IL4R: variants seen among roughly 807,000 people sequenced by gnomAD.
The protein encoded by IL4R is interleukin 4 receptor, also known as interleukin-4 receptor subunit alpha.
In IL4R, 17 loss-of-function variants were observed where a neutral mutation model predicts 41.5. That is an observed-to-expected ratio of 0.41 (90% CI 0.28 to 0.61). The LOEUF is 0.61. Ranked by LOEUF, IL4R falls within the 20% of genes least tolerant of loss-of-function variation. The pLI, the probability that IL4R is intolerant of heterozygous loss-of-function variation, is 0.31. For synonymous variants in IL4R, 402 were observed against 422.9 expected, an observed-to-expected ratio of 0.95 and a Z score of 0.61; for missense variants, 974 against 1,043.1, an observed-to-expected ratio of 0.93 and a Z score of 0.91.
At chr16:27,319,895 G>A (rs2084761243) in intron 1 of IL4R, among the ~76,000 whole-genome samples, 1 of 152,010 alleles carries the variant, frequency 6.6e-6, no homozygotes, top group Non-Finnish European at 1.5e-5. Flanking sequence ...TTAAGACGGA[G>A]TTTCGCTCTT....
chr16:27,356,610 A>G (rs2086089729), intron 8 of IL4R, among the ~76,000 whole-genome samples: 1 of 152,160 alleles, frequency 6.6e-6, no homozygotes. Context: ...TGAGCTGGCC[A>G]GGGATAAGCA....
At position 27,314,128 on chromosome 16, in the gene IL4R, A is replaced by T. The variant is rs1266233103; in HGVS notation, c.-152+108A>T. 21 of 975,310 alleles carry T rather than the reference A, an allele frequency of 2.2e-5. No homozygotes were observed. In the East Asian group the frequency reaches 1.9e-3, roughly 86 times the overall value. The allele number at this position is 975,310 out of a possible 1,614,324, so 60.4% of individuals were successfully genotyped here. A position where few individuals can be genotyped will look rare whatever the true frequency, so the allele number is the denominator to read the frequency against. ...GCCGCCGGCGGGGACCACGGGGACC[A>T]CCCCGACTCCGAGCGGGGCCCGAGC... On this transcript the variant is annotated intron_variant, in intron 1 of 10. Coordinates refer to ENST00000395762, the MANE Select transcript of IL4R (RefSeq NM_000418.4).
At chr16:27,320,741 T>C (rs1253335564) in intron 1 of IL4R, among the ~76,000 whole-genome samples, 1 of 152,194 alleles carries the variant, frequency 6.6e-6, no homozygotes, top group Admixed American at 6.5e-5. Context: ...CAGGGAAGTA[T>C]TCTGCCTTTT....
rs1278326569 is a variant in IL4R at position 27,345,288 on chromosome 16, A to G, written c.361+268A>G. 5.0e-6 allele frequency: 3 copies of G among 599,834 alleles called. No individual in the cohort carries two copies. Among genetic ancestry groups the G allele is most frequent in the Non-Finnish European group, 6.2e-6 (2 of 321,036 alleles). The allele number at this position is 599,834 out of a possible 1,614,324, so 37.2% of individuals were successfully genotyped here. The stretch of plus-strand genomic sequence containing the variant: ...TAAGTGCCCAGGAAGGCGTATTGAG[A>G]TGAGGTGTGCTTGCTGGAAGGCATG... On this transcript the variant is annotated intron_variant, in intron 5 of 10. Coordinates refer to ENST00000395762, the MANE Select transcript of IL4R (RefSeq NM_000418.4). This position sits in a 1 kb window ranked among gnomAD's most constrained non-coding sequence, Gnocchi z 4.5.
chr16:27,353,272 G>A (rs917213691), intron 7 of IL4R, among the ~76,000 whole-genome samples: 9 of 152,260 alleles, frequency 5.9e-5, no homozygotes, highest in Non-Finnish European at 1.2e-4. Context: ...GCAGTGAGCC[G>A]TGATCGTACC....
At chr16:27,346,127 C>T (rs1375290321) in intron 5 of IL4R, among the ~76,000 whole-genome samples, 1 of 151,378 alleles carries the variant, frequency 6.6e-6, no homozygotes, top group Non-Finnish European at 1.5e-5. Context: ...GGGAGCCCAG[C>T]GCAGGCAGAT....
intron 2 of IL4R, among the ~76,000 whole-genome samples, chr16:27,339,044 G>T (rs1216270738): frequency 6.6e-6 from 1 of 151,860 alleles, no homozygotes; most frequent in African/African-American, 2.4e-5. Flanking sequence ...TAGTACAGAC[G>T]GGGTTTCTCC....
intron 1 of IL4R, among the ~76,000 whole-genome samples, chr16:27,321,608 T>G (rs944514051): frequency 6.6e-6 from 1 of 152,248 alleles, no homozygotes; most frequent in African/African-American, 2.4e-5. Context: ...CTATATGAGC[T>G]GCTGTTAATC....
At chr16:27,322,539 CA>C (rs2084844727) in intron 1 of IL4R, among the ~76,000 whole-genome samples, 1 of 152,146 alleles carries the variant, frequency 6.6e-6, no homozygotes, top group East Asian at 1.9e-4. Context: ...AGTGAGACCC[CA>C]TCTCTACCAA....
rs146669655 is a variant in IL4R, at chr16:27,357,928, T to C, written c.771-988T>C. On this transcript the variant is annotated intron_variant, in intron 8 of 10. Coordinates refer to ENST00000395762, the MANE Select transcript of IL4R (RefSeq NM_000418.4). Reference sequence around the variant, plus strand: ...TTTTTCTTTGAGATGGAGTCTCATGTTGTCCCCCAGGCTGGAGTGCAGTGG... The same window carrying C: ...TTTTTCTTTGAGATGGAGTCTCATGCTGTCCCCCAGGCTGGAGTGCAGTGG... 6.7e-4 allele frequency among the ~76,000 whole-genome samples: 101 copies of C among 150,932 alleles called. 1 individual carries two copies. The highest frequency in any genetic ancestry group is 2.0e-3 in the African/African-American group (84 of 41,038).
chr16:27,349,682 A>T (rs2141168310), intron 6 of IL4R, among the ~76,000 whole-genome samples: 1 of 152,346 alleles, frequency 6.6e-6, no homozygotes, highest in African/African-American at 2.4e-5. Context: ...TCCATATTTT[A>T]TATGCCTACT....
Position 27,362,379 on chromosome 16 carries a change from C to T in IL4R, c.1027C>T (p.Pro343Ser). ...FQGSGKSAWC[P>S]VEISKTVLWP... ...GGGCTCTGGAAAATCAGCATGGTGC[C>T]CAGTGGAGATCAGCAAGACAGTCCT... The change falls in exon 11 of 11, where the codon CCA becomes TCA. Residue 343 changes from proline to serine, a missense_variant. Coordinates refer to ENST00000395762, the MANE Select transcript of IL4R (RefSeq NM_000418.4). 6.2e-7 allele frequency: 1 copy of T among 1,614,084 alleles called. No individual in the cohort carries two copies. The highest frequency in any genetic ancestry group is 8.5e-7 in the Non-Finnish European group (1 of 1,180,028).
chr16:27,313,856 C>T (rs1596725549), upstream of IL4R: 6 of 915,542 alleles, frequency 6.6e-6, no homozygotes, highest in South Asian at 4.8e-5. Flanking sequence ...GGCGGGGCGG[C>T]GCATGCAAAT....
At chr16:27,332,895 AGTTTC>A (rs2085152875) in intron 2 of IL4R, among the ~76,000 whole-genome samples, 1 of 151,938 alleles carries the variant, frequency 6.6e-6, no homozygotes, top group Non-Finnish European at 1.5e-5. Context: ...AAATATTTTT[AGTTTC>A]TCTTGTGATT....
rs867057226 is a variant in IL4R at position 27,337,057 on chromosome 16, A to G, written c.-18-3129A>G. Among the ~76,000 whole-genome samples, 94 of 152,212 alleles carry G rather than the reference A, an allele frequency of 6.2e-4. 1 individual carries two copies. Among genetic ancestry groups the G allele is most frequent in the African/African-American group, 1.8e-3 (76 of 41,464 alleles). ...GCGCCATTGCACTCCAGCCTGGGCA[A>G]CAAGAGTGAAACTCTGTCTCAAAAA... On this transcript the variant is annotated intron_variant, in intron 2 of 10. Coordinates refer to ENST00000395762, the MANE Select transcript of IL4R (RefSeq NM_000418.4).
chr16:27,352,515 C>T, intron 6 of IL4R, 25 bp from the exon 7 acceptor site: 1 of 1,610,520 alleles, frequency 6.2e-7, no homozygotes, highest in Non-Finnish European at 8.5e-7. Context: ...GGCTGGTGCC[C>T]TAACATCTCC....
intron 2 of IL4R, among the ~76,000 whole-genome samples, chr16:27,334,599 A>G (rs1479401812): frequency 6.6e-6 from 1 of 151,968 alleles, no homozygotes; most frequent in East Asian, 1.9e-4. Context: ...CTCTTTATTC[A>G]TAATTGAGGC....
chr16:27,325,264 G>T (rs926291132), intron 1 of IL4R, among the ~76,000 whole-genome samples: 5 of 151,374 alleles, frequency 3.3e-5, no homozygotes, highest in Non-Finnish European at 5.9e-5. Context: ...CCCTCACCCC[G>T]CCCTCTCATA....
rs867065548 is a variant in IL4R at position 27,355,028 on chromosome 16, T to C, written c.671-780T>C. ...CTCATTCATTATTTCAGCAAATATT[T>C]GCTGAGTTCCTCCTACATGGCTAGC... On this transcript the variant is annotated intron_variant, in intron 7 of 10. Transcript: ENST00000395762. 3.0e-5 allele frequency: 14 copies of C among 467,974 alleles called. No individual in the cohort carries two copies. In the Middle Eastern group the frequency reaches 3.6e-3, roughly 120 times the overall value. The allele number at this position is 467,974 out of a possible 1,614,324, so 29.0% of individuals were successfully genotyped here. A position where few individuals can be genotyped will look rare whatever the true frequency, so the allele number is the denominator to read the frequency against.
Sources: allele counts gnomAD v4.1 joint callset (sites outside exome capture counted in the v4.1 genomes callset), GRCh38; gene constraint gnomAD v4.1.1; non-coding constraint Gnocchi (gnomAD v3.1); transcripts MANE v1.5; gene names NCBI Gene and HGNC (gene_info 2026-07-23, HGNC 2026-07-21).